The following TRAPPC9 variants were observed in gnomAD, a reference collection of about 807,000 sequenced individuals.
TRAPPC9 encodes the protein trafficking protein particle complex subunit 9.
TRAPPC9 carries 83 observed loss-of-function variants against 124.0 expected under a neutral mutation model. That is an observed-to-expected ratio of 0.67 (90% CI 0.56 to 0.80). The LOEUF (loss-of-function observed/expected upper bound fraction) is 0.80. TRAPPC9 is among the 30% of genes least tolerant of loss of function. TRAPPC9 has a pLI of 0.00. For missense variants in TRAPPC9, 1,302 were observed against 1,508.3 expected, an observed-to-expected ratio of 0.86 and a Z score of 2.27; for synonymous variants, 638 against 617.5, an observed-to-expected ratio of 1.03 and a Z score of -0.49.
At position 140,101,552 on chromosome 8, in the gene TRAPPC9, T is replaced by TC. The variant is rs2060580508; in HGVS notation, c.2557-77474_2557-77473insG. Among the ~76,000 whole-genome samples, 6 of 141,898 alleles carry TC rather than the reference T, an allele frequency of 4.2e-5. 1 individual carries two copies. The highest frequency in any genetic ancestry group is 9.2e-5 in the Non-Finnish European group (6 of 65,530). 93.1% of individuals were successfully genotyped at this position (141,898 alleles called of 152,430 possible). A position where few individuals can be genotyped will look rare whatever the true frequency, so the allele number is the denominator to read the frequency against. On this transcript the variant is annotated intron_variant, in intron 17 of 22. Transcript: ENST00000438773. ...GTTTTCTTTTTTTTGTTTTTTTTTT[T>TC]TTTTTTTGAGACGTAGTTTTGGTCT... is the stretch of plus-strand genomic sequence containing the variant.
At chr8:139,806,779 T>C (rs1046965838) in intron 21 of TRAPPC9, among the ~76,000 whole-genome samples, 3 of 152,236 alleles carry the variant, frequency 2.0e-5, no homozygotes, top group African/African-American at 7.2e-5. Context: ...CCAGGCCCTT[T>C]GCATCAAAGC....
At chr8:140,030,296 AACAAAGG>A (rs1214770451) in intron 17 of TRAPPC9, among the ~76,000 whole-genome samples, 1 of 152,222 alleles carries the variant, frequency 6.6e-6, no homozygotes, top group Non-Finnish European at 1.5e-5. Context: ...TAAGTCCAGA[AACAAAGG>A]GCATACATGT....
intron 17 of TRAPPC9, among the ~76,000 whole-genome samples, chr8:140,089,963 C>T (rs569204983): frequency 6.6e-6 from 1 of 152,204 alleles, no homozygotes; most frequent in African/African-American, 2.4e-5. Context: ...GCCTGTAGTC[C>T]CAGCTGCTCG....
intron 7 of TRAPPC9, among the ~76,000 whole-genome samples, chr8:140,378,313 T>A (rs1057469523): frequency 6.6e-6 from 1 of 152,138 alleles, no homozygotes; most frequent in African/African-American, 2.4e-5. Flanking sequence ...TTTGACTCGG[T>A]GGGCTGGGAG....
intron 21 of TRAPPC9, among the ~76,000 whole-genome samples, chr8:139,816,125 C>T (rs1475821501): frequency 6.6e-6 from 1 of 152,126 alleles, no homozygotes; most frequent in East Asian, 1.9e-4. Flanking sequence ...CCGCAGGGCA[C>T]CAGAGGGCAG....
At chr8:140,204,263 C>T (rs1346079471) in intron 17 of TRAPPC9, among the ~76,000 whole-genome samples, 1 of 151,944 alleles carries the variant, frequency 6.6e-6, no homozygotes, top group East Asian at 1.9e-4. Context: ...GAAAATGTGG[C>T]ACATATACAC....
At chr8:139,852,290 C>T (rs1827530886) in intron 21 of TRAPPC9, among the ~76,000 whole-genome samples, 1 of 152,160 alleles carries the variant, frequency 6.6e-6, no homozygotes, top group Non-Finnish European at 1.5e-5. Flanking sequence ...TCTTTATCAG[C>T]AGCATGAAAA....
intron 17 of TRAPPC9, among the ~76,000 whole-genome samples, chr8:140,123,465 C>G (rs2061024700): frequency 6.6e-6 from 1 of 152,136 alleles, no homozygotes; most frequent in Non-Finnish European, 1.5e-5. Context: ...CTGGACTGGT[C>G]ACATCTGCTC....
intron 21 of TRAPPC9, among the ~76,000 whole-genome samples, chr8:139,848,447 A>G (rs1827240802): frequency 6.6e-6 from 1 of 152,210 alleles, no homozygotes; most frequent in Non-Finnish European, 1.5e-5. Context: ...TACACAACCC[A>G]GAGAGGAAAA....
chr8:139,777,511 G>T lies in TRAPPC9; in HGVS notation c.3056-45309C>A, dbSNP rs1384999719. Reference sequence around the variant, plus strand: ...TGTAGAGGCGAGGTCAACATTTCCTGAATGAGCAAATGAATGAAGGAAAGA... The same window carrying T: ...TGTAGAGGCGAGGTCAACATTTCCTTAATGAGCAAATGAATGAAGGAAAGA... On this transcript the variant is annotated intron_variant, in intron 21 of 22. Transcript: ENST00000438773. Among the ~76,000 whole-genome samples, 7 of 152,330 alleles carry T rather than the reference G, an allele frequency of 4.6e-5. No individual in the cohort carries two copies. In the East Asian group the frequency reaches 9.6e-4, roughly 21 times the overall value.
intron 21 of TRAPPC9, among the ~76,000 whole-genome samples, chr8:139,796,237 A>G (rs182155844): frequency 6.6e-6 from 1 of 152,162 alleles, no homozygotes. Flanking sequence ...GTTCACAAAC[A>G]TATTCATATA....
intron 9 of TRAPPC9, among the ~76,000 whole-genome samples, chr8:140,340,125 G>A (rs2067151874): frequency 6.6e-6 from 1 of 152,206 alleles, no homozygotes; most frequent in Non-Finnish European, 1.5e-5. Context: ...GGGATTTACA[G>A]GCATGAGCCA....
intron 17 of TRAPPC9, among the ~76,000 whole-genome samples, chr8:140,215,050 CTG>C (rs2063158380): frequency 6.6e-6 from 1 of 152,204 alleles, no homozygotes. Context: ...ACAGACAGCA[CTG>C]TCAGCCACTT....
intron 21 of TRAPPC9, among the ~76,000 whole-genome samples, chr8:139,796,223 C>T (rs540965178): frequency 2.0e-5 from 3 of 152,246 alleles, no homozygotes; most frequent in South Asian, 2.1e-4. Context: ...TTCCCTTCGG[C>T]GCTGTTCACA....
intron 21 of TRAPPC9, among the ~76,000 whole-genome samples, chr8:139,760,029 G>A (rs550252122): frequency 3.3e-5 from 5 of 152,330 alleles, no homozygotes; most frequent in South Asian, 2.1e-4. Flanking sequence ...CTGACCCCCC[G>A]TGCTCATCTC....
intron 17 of TRAPPC9, among the ~76,000 whole-genome samples, chr8:140,147,798 C>T (rs542768162): frequency 2.5e-4 from 38 of 152,204 alleles, no homozygotes; most frequent in Non-Finnish European, 4.4e-4. Context: ...TTACAGATGA[C>T]ACTGGAGCCG....
At chr8:140,232,572 G>A (rs2063626631) in intron 16 of TRAPPC9, among the ~76,000 whole-genome samples, 1 of 152,158 alleles carries the variant, frequency 6.6e-6, no homozygotes, top group South Asian at 2.1e-4. Context: ...ACTAGATATG[G>A]AGTCGAAGCC....
In TRAPPC9 at chr8:139,946,751, C is replaced by T. The variant is rs570590412; in HGVS notation, c.2811-36451G>A. On this transcript the variant is annotated intron_variant, in intron 19 of 22. Transcript: ENST00000438773. ...ATCCCAGCACTTTGGGAGGCCGAGG[C>T]GGGTGGATCACGAGGTCAGGAGATC... Among the ~76,000 whole-genome samples, 38 of 150,996 alleles carry T rather than the reference C, an allele frequency of 2.5e-4. 1 individual carries two copies. In the South Asian group the frequency reaches 7.3e-3, roughly 29 times the overall value.
At chr8:140,428,972 A>T (rs2070528229) in intron 4 of TRAPPC9, among the ~76,000 whole-genome samples, 1 of 152,016 alleles carries the variant, frequency 6.6e-6, no homozygotes, top group African/African-American at 2.4e-5. Flanking sequence ...TGATGTATAG[A>T]TGTATACATG....
Sources: gnomAD v4.1 joint callset for allele counts (sites outside exome capture counted in the v4.1 genomes callset) on GRCh38, gnomAD v4.1.1 for gene constraint, MANE v1.5 for transcripts, NCBI Gene and HGNC (gene_info 2026-07-23, HGNC 2026-07-21) for gene names.